ADGRB3: variants seen among roughly 807,000 people sequenced by gnomAD.
ADGRB3 encodes adhesion G protein-coupled receptor B3.
ADGRB3 carries 37 observed loss-of-function variants against 193.4 expected under a neutral mutation model. The ratio of observed to expected loss-of-function variants is 0.19; its 90% confidence interval spans 0.15 to 0.25. The LOEUF is 0.25. Among genes scored for constraint, ADGRB3 ranks in the 10% least tolerant of loss-of-function variants. The pLI is 1.00. For missense variants in ADGRB3, 1,637 were observed against 1,852.9 expected (o/e 0.88, Z 2.14); for synonymous variants, 690 against 644.2 (o/e 1.07, Z -1.08).
chr6:69,100,614 A>T (rs1773004306), intron 17 of ADGRB3, among the ~76,000 whole-genome samples: 1 of 152,050 alleles, frequency 6.6e-6, no homozygotes, highest in African/African-American at 2.4e-5. Context: ...TTGGTCAGAG[A>T]TTGGCTTTGT....
chr6:68,899,560 T>C (rs941052689), intron 3 of ADGRB3, among the ~76,000 whole-genome samples: 2 of 151,544 alleles, frequency 1.3e-5, no homozygotes, highest in Non-Finnish European at 2.9e-5. Flanking sequence ...TTTGTTCTTG[T>C]GATAGTTTAC....
intron 3 of ADGRB3, among the ~76,000 whole-genome samples, chr6:68,656,866 C>A (rs1289034820): frequency 2.6e-5 from 4 of 151,500 alleles, no homozygotes; most frequent in African/African-American, 9.7e-5. Flanking sequence ...TCTGCATCTG[C>A]AAAATAGAAA....
chr6:68,887,700 C>T (rs770777777), intron 3 of ADGRB3, among the ~76,000 whole-genome samples: 7 of 152,056 alleles, frequency 4.6e-5, no homozygotes, highest in Non-Finnish European at 8.8e-5. Flanking sequence ...CATTTATCAA[C>T]ATTGTCTTAT....
chr6:68,965,412 G>A (rs1266407429), intron 8 of ADGRB3, among the ~76,000 whole-genome samples: 6 of 150,978 alleles, frequency 4.0e-5, no homozygotes, highest in East Asian at 3.9e-4. Context: ...GCCAACAAGC[G>A]AATTTTGAAA....
intron 3 of ADGRB3, among the ~76,000 whole-genome samples, chr6:68,798,789 T>A (rs1477947211): frequency 6.6e-6 from 1 of 152,206 alleles, no homozygotes; most frequent in South Asian, 2.1e-4. Flanking sequence ...CAAAGGAGTT[T>A]TCCAGAAGAA....
intron 30 of ADGRB3, among the ~76,000 whole-genome samples, chr6:69,374,208 T>C (rs2127341780): frequency 6.6e-6 from 1 of 152,210 alleles, no homozygotes; most frequent in South Asian, 2.1e-4. Context: ...TAGAGCTATT[T>C]CCCTTAGTCT....
At chr6:69,108,504 G>T (rs1032277269) in intron 17 of ADGRB3, among the ~76,000 whole-genome samples, 1 of 151,560 alleles carries the variant, frequency 6.6e-6, no homozygotes, top group Non-Finnish European at 1.5e-5. Flanking sequence ...CTTTCAGCTT[G>T]CAATGCAGGA....
chr6:69,172,575 C>T (rs575376206), intron 17 of ADGRB3, among the ~76,000 whole-genome samples: 5 of 122,660 alleles, frequency 4.1e-5, no homozygotes, highest in Non-Finnish European at 8.0e-5. Context: ...ACCTGGGAGG[C>T]GGAGCTTGCA....
At chr6:68,925,712 T>TA (rs1767160787) in intron 3 of ADGRB3, among the ~76,000 whole-genome samples, 1 of 151,988 alleles carries the variant, frequency 6.6e-6, no homozygotes, top group South Asian at 2.1e-4. Flanking sequence ...GAAATTTATA[T>TA]AAAAAATGAG....
chr6:69,339,176 T>TA (rs201719001), intron 25 of ADGRB3, among the ~76,000 whole-genome samples, 157 bp from the exon 26 acceptor site: 69 of 147,114 alleles, frequency 4.7e-4, no homozygotes, highest in East Asian at 3.0e-3. Context: ...GGATAGTATA[T>TA]AAAAAAAAAA....
intron 20 of ADGRB3, among the ~76,000 whole-genome samples, chr6:69,305,749 C>T (rs186833579): frequency 1.3e-5 from 2 of 151,322 alleles, no homozygotes; most frequent in East Asian, 3.9e-4. Context: ...TTTTTGTGAC[C>T]ACAGAGCCTT....
intron 3 of ADGRB3, among the ~76,000 whole-genome samples, chr6:68,873,279 A>C (rs2150220830): frequency 6.8e-6 from 1 of 148,120 alleles, no homozygotes. Flanking sequence ...TCTCAGCAAA[A>C]GCAATGGATG....
chr6:69,325,262 A>C (rs1768542929), intron 21 of ADGRB3, among the ~76,000 whole-genome samples: 1 of 151,582 alleles, frequency 6.6e-6, no homozygotes, highest in African/African-American at 2.4e-5. Flanking sequence ...GATAGTATGA[A>C]ATGAGACCCC....
Position 69,048,206 on chromosome 6 carries a change from C to G in ADGRB3, c.2129C>G (p.Pro710Arg). ...GNVVASIQKL[P>R]AASVLTDINF... is the part of the protein sequence containing the mutation. Reference sequence around the variant, plus strand: ...ATAGTGGCTAGTATTCAGAAGCTTCCTGCAGCCTCTGTTCTAACAGACATC... The same window carrying G: ...ATAGTGGCTAGTATTCAGAAGCTTCGTGCAGCCTCTGTTCTAACAGACATC... The change falls in exon 14 of 32, where the codon CCT becomes CGT. Residue 710 changes from proline to arginine, a missense_variant. Physicochemically the swap from Pro to Arg is moderately radical, Grantham distance 103. Coordinates refer to ENST00000370598, the MANE Select transcript of ADGRB3 (RefSeq NM_001704.3). The G allele has an allele frequency of 6.2e-7, 1 of 1,612,284 alleles. No homozygotes were observed. Among genetic ancestry groups the G allele is most frequent in the Non-Finnish European group, 8.5e-7 (1 of 1,179,388 alleles).
intron 3 of ADGRB3, among the ~76,000 whole-genome samples, chr6:68,858,841 G>T (rs518704): frequency 0.45 from 68,110 of 151,902 alleles, 16,636 homozygotes; most frequent in East Asian, 0.63. Context: ...CAAAACCATT[G>T]TTTTCTCCTG....
intron 3 of ADGRB3, among the ~76,000 whole-genome samples, chr6:68,747,877 A>C (rs1249784247): frequency 1.3e-5 from 2 of 152,158 alleles, no homozygotes; most frequent in Non-Finnish European, 2.9e-5. Flanking sequence ...AAAGAGGTTT[A>C]ATTGGACTTA....
chr6:69,353,591 C>T (rs1366905748), intron 26 of ADGRB3, among the ~76,000 whole-genome samples: 2 of 152,182 alleles, frequency 1.3e-5, no homozygotes, highest in Admixed American at 1.3e-4. Context: ...CCTTAAAAGA[C>T]ACACATATTA....
chr6:69,312,045 A>C (rs1456185548), intron 20 of ADGRB3, among the ~76,000 whole-genome samples: 1 of 151,782 alleles, frequency 6.6e-6, no homozygotes, highest in Non-Finnish European at 1.5e-5. Context: ...CACTAGGAGC[A>C]TGCCTACCTG....
chr6:69,163,062 C>T (rs1409552589), intron 17 of ADGRB3, among the ~76,000 whole-genome samples: 2 of 152,100 alleles, frequency 1.3e-5, no homozygotes, highest in African/African-American at 4.8e-5. Flanking sequence ...AGTCAATTCA[C>T]TTGCCTCAGC....
Sources: gnomAD v4.1 joint callset for allele counts (sites outside exome capture counted in the v4.1 genomes callset) on GRCh38, gnomAD v4.1.1 for gene constraint, MANE v1.5 for transcripts, NCBI Gene and HGNC (gene_info 2026-07-23, HGNC 2026-07-21) for gene names.